Variants in ATP13A4 observed in about 807,000 individuals in gnomAD.
ATP13A4 encodes ATPase 13A4.
A neutral mutation model predicts 142.5 loss-of-function variants in ATP13A4; 114 were observed. The observed-to-expected ratio is 0.80, with a 90% CI of 0.69 to 0.93. ATP13A4 has a LOEUF of 0.93. Among genes scored for constraint, ATP13A4 ranks in the 40% least tolerant of loss-of-function variants. The pLI, the probability that ATP13A4 is intolerant of heterozygous loss-of-function variation, is 0.00. For missense variants in ATP13A4, 1,392 were observed against 1,454.0 expected (o/e 0.96, Z 0.69); for synonymous variants, 488 against 514.8 (o/e 0.95, Z 0.70).
chr3:193,432,130 G>C (rs1385955353), intron 25 of ATP13A4, among the ~76,000 whole-genome samples: 2 of 24,646 alleles, frequency 8.1e-5, no homozygotes, highest in Admixed American at 8.2e-4. Context: ...GAGAAAGGTT[G>C]ATAATAATGG....
chr3:193,472,895 C>T (rs1417211314), intron 8 of ATP13A4, among the ~76,000 whole-genome samples: 2 of 152,114 alleles, frequency 1.3e-5, no homozygotes, highest in Non-Finnish European at 2.9e-5. Flanking sequence ...CTACAATAAA[C>T]CCTGTGATAG....
intron 21 of ATP13A4, 42 bp downstream of exon 21, chr3:193,440,516 C>T: frequency 2.5e-6 from 4 of 1,612,496 alleles, no homozygotes; most frequent in Non-Finnish European, 3.4e-6. Context: ...GACTGTTATG[C>T]CTCCATGCAG....
intron 2 of ATP13A4, among the ~76,000 whole-genome samples, chr3:193,509,148 C>T (rs1323141898): frequency 6.6e-6 from 1 of 152,174 alleles, no homozygotes; most frequent in Non-Finnish European, 1.5e-5. Context: ...CCTCCACCTG[C>T]ATCACTCTCC....
At chr3:193,529,369 T>G (rs1294962970) in intron 1 of ATP13A4, among the ~76,000 whole-genome samples, 1 of 151,996 alleles carries the variant, frequency 6.6e-6, no homozygotes. Context: ...TACATAAATA[T>G]TTTATGTACT....
chr3:193,458,933 A>G, intron 14 of ATP13A4, 148 bp downstream of exon 14: 1 of 1,045,080 alleles, frequency 9.6e-7, no homozygotes, highest in Non-Finnish European at 1.5e-6. Flanking sequence ...AGATGAGGAA[A>G]CCAGCCTTAG....
chr3:193,475,479 T>C (rs189043242), intron 8 of ATP13A4, among the ~76,000 whole-genome samples: 1 of 151,958 alleles, frequency 6.6e-6, no homozygotes, highest in East Asian at 1.9e-4. Flanking sequence ...ATGTAATATA[T>C]AGCTATGAAT....
At chr3:193,437,774 G>C (rs1716374240) in intron 23 of ATP13A4, among the ~76,000 whole-genome samples, 3 of 151,772 alleles carry the variant, frequency 2.0e-5, no homozygotes, top group African/African-American at 7.3e-5. Flanking sequence ...TCGGCAGGGT[G>C]GTGGGGGACA....
chr3:193,506,594 G>C (rs753716750), intron 2 of ATP13A4, among the ~76,000 whole-genome samples: 2 of 152,124 alleles, frequency 1.3e-5, no homozygotes, highest in African/African-American at 2.4e-5. Context: ...TCGTGATATG[G>C]TTTGGCGGTG....
rs1026299676 is a variant in ATP13A4 at position 193,401,872 on chromosome 3, G to C, written c.*780C>G. On this transcript the variant is annotated 3_prime_UTR_variant, in exon 30 of 30. Coordinates refer to ENST00000342695, the MANE Select transcript of ATP13A4 (RefSeq NM_032279.4). ...CCTTGACTAATGAGATATGAGTAGG[G>C]AAAGCAATGTGTGCCACTTTTGGGG... 1.3e-5 allele frequency among the ~76,000 whole-genome samples: 2 copies of C among 152,126 alleles called. No homozygotes were observed. The highest frequency in any genetic ancestry group is 4.8e-5 in the African/African-American group (2 of 41,402).
At chr3:193,539,738 T>C (rs752690109) in intron 1 of ATP13A4, among the ~76,000 whole-genome samples, 4 of 152,194 alleles carry the variant, frequency 2.6e-5, no homozygotes, top group Non-Finnish European at 4.4e-5. Context: ...GCCTACCTAA[T>C]GGGGTTATTG....
At chr3:193,560,821 C>T (rs1039947544) in intron 2 of ATP13A4, among the ~76,000 whole-genome samples, 2 of 152,196 alleles carry the variant, frequency 1.3e-5, no homozygotes, top group Non-Finnish European at 2.9e-5. Flanking sequence ...GCAATTTCTG[C>T]TTACAGCTCA....
chr3:193,544,894 G>GT (rs908148991), intron 1 of ATP13A4, among the ~76,000 whole-genome samples: 54 of 151,732 alleles, frequency 3.6e-4, no homozygotes, highest in East Asian at 2.5e-3. Flanking sequence ...CTTAATTTCT[G>GT]TTTTTTTTGC....
upstream of ATP13A4, among the ~76,000 whole-genome samples, chr3:193,555,587 T>C (rs1723855975): frequency 6.6e-6 from 1 of 152,342 alleles, no homozygotes; most frequent in African/African-American, 2.4e-5. Context: ...CAAATGACTA[T>C]ATGGCCAGAC....
intron 12 of ATP13A4, among the ~76,000 whole-genome samples, chr3:193,463,226 T>C (rs1482775626): frequency 6.6e-6 from 1 of 152,068 alleles, no homozygotes; most frequent in Non-Finnish European, 1.5e-5. Context: ...ACAAAAAAAG[T>C]ATCTTCCTCA....
At chr3:193,491,672 T>A (rs1186414662) in intron 5 of ATP13A4, among the ~76,000 whole-genome samples, 1 of 152,168 alleles carries the variant, frequency 6.6e-6, no homozygotes, top group Non-Finnish European at 1.5e-5. Context: ...TATTTAATAT[T>A]AAATATTGTC....
chr3:193,476,562 C>G (rs1390738727), intron 8 of ATP13A4, among the ~76,000 whole-genome samples: 1 of 152,130 alleles, frequency 6.6e-6, no homozygotes, highest in African/African-American at 2.4e-5. Flanking sequence ...CCTTTGCATT[C>G]ACAACCTGGC....
chr3:193,437,790 G>A (rs1576960850), intron 23 of ATP13A4, among the ~76,000 whole-genome samples: 1 of 149,224 alleles, frequency 6.7e-6, no homozygotes, highest in Admixed American at 6.7e-5. Flanking sequence ...GGACATCAAA[G>A]CAAATTTTAG....
At chr3:193,514,919 C>T (rs776259740) in intron 1 of ATP13A4, 48 bp from the exon 2 acceptor site, 20 of 1,587,178 alleles carry the variant, frequency 1.3e-5, no homozygotes, top group African/African-American at 2.7e-5. Flanking sequence ...GCACAATAAA[C>T]AATAAATGAA....
At chr3:193,472,795 G>A (rs1221722114) in intron 8 of ATP13A4, among the ~76,000 whole-genome samples, 1 of 152,188 alleles carries the variant, frequency 6.6e-6, no homozygotes, top group Admixed American at 6.5e-5. Context: ...ACCTCCCGCA[G>A]ATAAGAGGGG....
Sources: gnomAD v4.1 joint callset for allele counts (sites outside exome capture counted in the v4.1 genomes callset) on GRCh38, gnomAD v4.1.1 for gene constraint, MANE v1.5 for transcripts, NCBI Gene and HGNC (gene_info 2026-07-23, HGNC 2026-07-21) for gene names.